The following METTL5 variants were observed in gnomAD, a reference collection of about 807,000 sequenced individuals.
METTL5 encodes the protein methyltransferase 5, N6-adenosine, also known as rRNA N(6)-adenosine-methyltransferase METTL5.
In METTL5, 28 loss-of-function variants were observed where a neutral mutation model predicts 26.5. The ratio of observed to expected loss-of-function variants is 1.06; its 90% CI spans 0.78 to 1.45. The LOEUF is 1.45. Ranked by LOEUF, METTL5 falls within the 40% of genes most tolerant of loss-of-function variation. The pLI, the probability that METTL5 is intolerant of heterozygous loss-of-function variation, is 0.00. For missense variants in METTL5, 231 were observed against 249.9 expected (o/e 0.92, Z 0.51); for synonymous variants, 86 against 82.6 (o/e 1.04, Z -0.22).
At chr2:169,820,012 CA>C (rs1407744122) in intron 3 of METTL5, among the ~76,000 whole-genome samples, 3 of 150,954 alleles carry the variant, frequency 2.0e-5, no homozygotes, top group African/African-American at 7.3e-5. Context: ...GGCTGGAGTG[CA>C]ATAGCATGAT....
Position 169,819,619 on chromosome 2 carries a change from G to C in METTL5, c.431C>G (p.Thr144Ser), listed in dbSNP as rs761677787. ...TGCTGTTCTTGCCATTTCCAAAGCA[G>C]TCTTTAGAAAAGCCATATCTGTCCC... ...NKGTDMAFLK[T>S]ALEMARTAVY... Residue 144 changes from threonine to serine, a missense_variant, in exon 4 of 7, where the codon ACT (threonine) becomes AGT (serine). Transcript: ENST00000260953. 3 of 1,612,928 alleles carry C rather than the reference G, an allele frequency of 1.9e-6. No homozygotes were observed. Among genetic ancestry groups the C allele is most frequent in the South Asian group, 1.1e-5 (1 of 91,032 alleles).
intron 4 of METTL5, among the ~76,000 whole-genome samples, chr2:169,816,792 TAACTC>T (rs551822855): frequency 8.5e-5 from 13 of 152,116 alleles, no homozygotes; most frequent in Non-Finnish European, 1.3e-4. Context: ...ACATGAAAAT[TAACTC>T]AAGATGGATT....
chr2:169,820,725 A>AT (rs967297521), intron 3 of METTL5, among the ~76,000 whole-genome samples: 29 of 152,224 alleles, frequency 1.9e-4, no homozygotes, highest in African/African-American at 5.1e-4. Context: ...TTTTTGTTTA[A>AT]TTTTTTCTAG....
chr2:169,814,576 C>CTTTTT (rs71006043), intron 5 of METTL5, among the ~76,000 whole-genome samples: 1 of 123,838 alleles, frequency 8.1e-6, no homozygotes, highest in Non-Finnish European at 1.7e-5. Flanking sequence ...TCCAAGCCCA[C>CTTTTT]TTTTTTTTTT....
At chr2:169,819,526 T>C (rs778030742) in intron 4 of METTL5, 35 bp downstream of exon 4, 11 of 1,492,392 alleles carry the variant, frequency 7.4e-6, no homozygotes, top group Non-Finnish European at 9.3e-6. Context: ...AATTTAAAAA[T>C]CAATGCCACA....
intron 5 of METTL5, 107 bp downstream of exon 5, chr2:169,815,370 T>G: frequency 1.4e-6 from 1 of 715,112 alleles, no homozygotes; most frequent in Non-Finnish European, 2.4e-6. Context: ...CATGCACATT[T>G]TGCCACACTG....
At chr2:169,820,224 G>C (rs779717959) in intron 3 of METTL5, among the ~76,000 whole-genome samples, 2 of 152,048 alleles carry the variant, frequency 1.3e-5, no homozygotes, top group African/African-American at 2.4e-5. Flanking sequence ...CCAAAGTGCT[G>C]GGATTATAGG....
rs1003727643 is a variant in METTL5, at chr2:169,824,737, A to G, written c.-140T>C. 1.5e-6 allele frequency: 1 copy of G among 670,982 alleles called. No homozygotes were observed. The highest frequency in any genetic ancestry group is 2.5e-5 in the Admixed American group (1 of 40,562). The allele number at this position is 670,982 out of a possible 1,614,324, so 41.6% of individuals were successfully genotyped here. ...CTGGCCGGACCCGAAGACGCGCCCT[A>G]AGGAGACGCCCGGACGCAGGGCACG... On this transcript the variant is annotated 5_prime_UTR_variant, in exon 1 of 7. Transcript: ENST00000260953.
In METTL5 at chr2:169,819,582, T is replaced by C. The variant is rs2081556286; in HGVS notation, c.468A>G (p.Leu156=). Residue 156 remains leucine, a synonymous_variant, in exon 4 of 7, where the codon TTA becomes TTG. Transcript: ENST00000260953. ...TTACTTCTCTAGTTGAGGATTTGTG[T>C]AAGGAATATACTGCTGTTCTTGCCA... The part of the protein sequence containing the change: ...LEMARTAVYS[L]HKSSTREHVQ... 1.2e-6 allele frequency: 2 copies of C among 1,612,196 alleles called. No individual in the cohort carries two copies. The highest frequency in any genetic ancestry group is 1.3e-5 in the African/African-American group (1 of 74,860).
At chr2:169,820,105 G>A (rs1226161275) in intron 3 of METTL5, among the ~76,000 whole-genome samples, 2 of 152,034 alleles carry the variant, frequency 1.3e-5, no homozygotes, top group Non-Finnish European at 2.9e-5. Flanking sequence ...TTACAGGCAT[G>A]TGCCACCATG....
rs181071313 is a variant in METTL5 at position 169,823,763 on chromosome 2, G to A, written c.109+726C>T. On this transcript the variant is annotated intron_variant, in intron 1 of 6. Transcript: ENST00000260953. ...TTGAGTCCTGGAGGTCAAGGCTGCA[G>A]TTGCCGTGATCATGCCACTGCACTC... is the stretch of plus-strand genomic sequence containing the variant. 3.3e-5 allele frequency among the ~76,000 whole-genome samples: 5 copies of A among 152,294 alleles called. No individual in the cohort carries two copies. The East Asian group carries it at 9.6e-4, about 29-fold the overall frequency.
chr2:169,818,871 C>T (rs1000117530), intron 4 of METTL5, among the ~76,000 whole-genome samples: 7 of 152,020 alleles, frequency 4.6e-5, no homozygotes, highest in Non-Finnish European at 8.8e-5. Flanking sequence ...ACTCTCAGTC[C>T]CTTACACTTA....
intron 4 of METTL5, among the ~76,000 whole-genome samples, chr2:169,815,913 ATGTT>A (rs2081499856): frequency 6.6e-6 from 1 of 152,190 alleles, no homozygotes; most frequent in Non-Finnish European, 1.5e-5. Context: ...GTGTTTATAT[ATGTT>A]TAGATCAAAA....
intron 5 of METTL5, chr2:169,812,721 T>C: frequency 1.9e-6 from 1 of 519,842 alleles, no homozygotes; most frequent in Non-Finnish European, 3.4e-6. Flanking sequence ...TATACTGAAA[T>C]TTGAGGTTAT....
intron 1 of METTL5, 55 bp downstream of exon 1, chr2:169,824,434 C>G (rs2081625094): frequency 7.8e-7 from 1 of 1,286,218 alleles, no homozygotes; most frequent in Non-Finnish European, 1.1e-6. Flanking sequence ...ATTTTTATCA[C>G]AGAGTAGACT....
At chr2:169,822,395 C>T (rs556989090) in intron 1 of METTL5, among the ~76,000 whole-genome samples, 1 of 152,230 alleles carries the variant, frequency 6.6e-6, no homozygotes, top group African/African-American at 2.4e-5. Context: ...ATACTCATAT[C>T]GGTTCTTTCT....
intron 2 of METTL5, among the ~76,000 whole-genome samples, chr2:169,821,529 G>A (rs1295531217): frequency 2.0e-5 from 3 of 151,942 alleles, no homozygotes; most frequent in Non-Finnish European, 2.9e-5. Flanking sequence ...GGGACCACAG[G>A]CGCACACCAC....
At position 169,815,473 on chromosome 2, in the gene METTL5, T is replaced by A; in HGVS notation, c.541+4A>T. 6.3e-7 allele frequency: 1 copy of A among 1,594,898 alleles called. No individual in the cohort carries two copies. Among genetic ancestry groups the A allele is most frequent in the Non-Finnish European group, 8.6e-7 (1 of 1,166,556 alleles). ...TTGGATATTAGGATTGAGATTTGTC[T>A]TACCTGCTATAATATCTATCTTGAT... On this transcript the variant is annotated splice_donor_region_variant and intron_variant, in intron 5 of 6. Transcript: ENST00000260953.
chr2:169,818,007 G>A (rs2081533118), intron 4 of METTL5, among the ~76,000 whole-genome samples: 2 of 152,176 alleles, frequency 1.3e-5, no homozygotes, highest in African/African-American at 4.8e-5. Context: ...TTTGGCCCTT[G>A]TCTGGAGACT....
Sources: gnomAD v4.1 joint callset for allele counts (sites outside exome capture counted in the v4.1 genomes callset) on GRCh38, gnomAD v4.1.1 for gene constraint, MANE v1.5 for transcripts, NCBI Gene and HGNC (gene_info 2026-07-23, HGNC 2026-07-21) for gene names.